The following CDH10 variants were observed in gnomAD, a reference collection of about 807,000 sequenced individuals.
CDH10 encodes cadherin 10, also known as cadherin-10.
In CDH10, 30 loss-of-function variants were observed where a neutral mutation model predicts 73.1. The ratio of observed to expected loss-of-function variants is 0.41; its 90% confidence interval spans 0.31 to 0.56. The LOEUF is 0.56. Among genes scored for constraint, CDH10 ranks in the 20% least tolerant of loss-of-function variants. The pLI is 0.27. For missense variants in CDH10, 815 were observed against 973.7 expected, an observed-to-expected ratio of 0.84 and a Z score of 2.17; for synonymous variants, 345 against 348.2, an observed-to-expected ratio of 0.99 and a Z score of 0.10.
chr5:24,505,857 T>G (rs1272930648), intron 7 of CDH10, among the ~76,000 whole-genome samples: 2 of 152,216 alleles, frequency 1.3e-5, no homozygotes, highest in Non-Finnish European at 2.9e-5. Context: ...GGCTCACGCC[T>G]GTAATCCCAG....
intron 6 of CDH10, 71 bp downstream of exon 6, chr5:24,511,256 G>T: frequency 1.1e-6 from 1 of 882,010 alleles, no homozygotes; most frequent in Non-Finnish European, 1.8e-6. Context: ...GATCATTCAT[G>T]AGCGAAGAGT....
intron 2 of CDH10, among the ~76,000 whole-genome samples, chr5:24,588,189 C>A (rs1194238349): frequency 6.6e-6 from 1 of 152,160 alleles, no homozygotes; most frequent in Admixed American, 6.5e-5. Flanking sequence ...ATGTCTATCA[C>A]ATCAACCTGA....
At chr5:24,504,803 C>T (rs1022763041) in intron 8 of CDH10, among the ~76,000 whole-genome samples, 2 of 151,820 alleles carry the variant, frequency 1.3e-5, no homozygotes, top group Non-Finnish European at 2.9e-5. Flanking sequence ...GGATTACAGG[C>T]GTGAGCCACC....
chr5:24,583,904 A>G (rs1178206094), intron 2 of CDH10, among the ~76,000 whole-genome samples: 2 of 152,138 alleles, frequency 1.3e-5, no homozygotes, highest in Non-Finnish European at 2.9e-5. Context: ...CGGCCCCCCA[A>G]AGTGCTGGGA....
At chr5:24,616,328 A>G (rs1020174529) in intron 1 of CDH10, among the ~76,000 whole-genome samples, 12 of 152,164 alleles carry the variant, frequency 7.9e-5, no homozygotes, top group African/African-American at 2.9e-4. Flanking sequence ...TTTTTTCCGC[A>G]ACGAATTTGG....
At chr5:24,575,349 A>AAAC (rs762842588) in intron 2 of CDH10, among the ~76,000 whole-genome samples, 5 of 126,046 alleles carry the variant, frequency 4.0e-5, no homozygotes, top group African/African-American at 1.4e-4. Flanking sequence ...GCAACAACAA[A>AAAC]AACAACAAAA....
At chr5:24,640,869 G>A (rs1193304065) in intron 1 of CDH10, among the ~76,000 whole-genome samples, 1 of 151,788 alleles carries the variant, frequency 6.6e-6, no homozygotes, top group East Asian at 1.9e-4. Context: ...AGAAACTGAT[G>A]AAAATAAAGC....
chr5:24,617,034 G>A (rs1747153869), intron 1 of CDH10, among the ~76,000 whole-genome samples: 2 of 152,120 alleles, frequency 1.3e-5, no homozygotes, highest in East Asian at 1.9e-4. Flanking sequence ...CAGTTATTAC[G>A]AAAGGGAATG....
At chr5:24,497,304 T>G (rs1742326858) in intron 9 of CDH10, among the ~76,000 whole-genome samples, 1 of 151,968 alleles carries the variant, frequency 6.6e-6, no homozygotes, top group African/African-American at 2.4e-5. Flanking sequence ...GTAATTTATC[T>G]CTTAGAGAAA....
At chr5:24,633,450 A>G (rs1747768954) in intron 1 of CDH10, among the ~76,000 whole-genome samples, 1 of 151,908 alleles carries the variant, frequency 6.6e-6, no homozygotes, top group Non-Finnish European at 1.5e-5. Flanking sequence ...AATGCATTCA[A>G]TGACCAGAGT....
chr5:24,565,036 A>G (rs1316556645), intron 2 of CDH10, among the ~76,000 whole-genome samples: 1 of 152,114 alleles, frequency 6.6e-6, no homozygotes, highest in African/African-American at 2.4e-5. Flanking sequence ...GACTCTCTAC[A>G]TCAGCTCCCA....
intron 1 of CDH10, among the ~76,000 whole-genome samples, chr5:24,632,516 C>T (rs1411125329): frequency 6.6e-6 from 1 of 151,956 alleles, no homozygotes; most frequent in East Asian, 1.9e-4. Flanking sequence ...ACAGAAGGAG[C>T]ATGGTTTAAT....
chr5:24,531,023 G>C (rs1431318022), intron 5 of CDH10, among the ~76,000 whole-genome samples: 1 of 152,028 alleles, frequency 6.6e-6, no homozygotes, highest in Non-Finnish European at 1.5e-5. Flanking sequence ...TCTTTGGAAT[G>C]TTCCAGCCAC....
intron 2 of CDH10, among the ~76,000 whole-genome samples, chr5:24,560,766 T>C (rs1020769107): frequency 3.9e-5 from 6 of 152,092 alleles, no homozygotes. Flanking sequence ...CAAAGCAACT[T>C]CAGCCTTTAA....
chr5:24,575,228 G>A (rs948718571), intron 2 of CDH10, among the ~76,000 whole-genome samples: 2 of 148,824 alleles, frequency 1.3e-5, no homozygotes, highest in African/African-American at 2.4e-5. Flanking sequence ...CAGGCATGGT[G>A]GCATACACCT....
intron 1 of CDH10, among the ~76,000 whole-genome samples, chr5:24,595,808 A>T (rs1746352324): frequency 6.6e-6 from 1 of 151,938 alleles, no homozygotes; most frequent in African/African-American, 2.4e-5. Context: ...ATCATTTTCA[A>T]TACAGTTATA....
intron 5 of CDH10, among the ~76,000 whole-genome samples, chr5:24,519,245 C>G (rs1333977531): frequency 6.6e-6 from 1 of 151,872 alleles, no homozygotes; most frequent in African/African-American, 2.4e-5. Context: ...TGGTTTTCAC[C>G]AGCAATCCTA....
At chr5:24,576,376 T>A (rs1328793474) in intron 2 of CDH10, among the ~76,000 whole-genome samples, 1 of 152,134 alleles carries the variant, frequency 6.6e-6, no homozygotes, top group African/African-American at 2.4e-5. Flanking sequence ...CTTTAGAAGA[T>A]TATTATGTAA....
intron 2 of CDH10, among the ~76,000 whole-genome samples, chr5:24,554,340 T>A (rs1004904111): frequency 3.3e-5 from 5 of 152,112 alleles, no homozygotes; most frequent in African/African-American, 1.2e-4. Flanking sequence ...TAATTTATTA[T>A]TATTTTATGA....
Sources: gnomAD v4.1 joint callset for allele counts (sites outside exome capture counted in the v4.1 genomes callset) on GRCh38, gnomAD v4.1.1 for gene constraint, MANE v1.5 for transcripts, NCBI Gene and HGNC (gene_info 2026-07-23, HGNC 2026-07-21) for gene names.